Variants in CAMK4 observed in about 807,000 individuals in gnomAD.
CAMK4 encodes calcium/calmodulin dependent protein kinase IV.
Under a neutral mutation model 44.9 loss-of-function variants are expected in CAMK4, and 22 were observed. That is an observed-to-expected ratio of 0.49 (90% CI 0.35 to 0.70). The LOEUF is 0.70. Among genes scored for constraint, CAMK4 ranks in the 30% least tolerant of loss-of-function variants. The pLI, the probability that CAMK4 is intolerant of heterozygous loss-of-function variation, is 0.01. For missense variants in CAMK4, 498 were observed against 586.8 expected, an observed-to-expected ratio of 0.85 and a Z score of 1.56; for synonymous variants, 218 against 215.4, an observed-to-expected ratio of 1.01 and a Z score of -0.11.
intron 5 of CAMK4, among the ~76,000 whole-genome samples, chr5:111,396,532 T>C (rs1752014255): frequency 1.3e-5 from 2 of 151,810 alleles, no homozygotes; most frequent in African/African-American, 4.8e-5. Flanking sequence ...TTTCTTCAAA[T>C]GTGCATAAAC....
Position 111,339,362 on chromosome 5 carries a change from G to C in CAMK4, c.162-4662G>C, listed in dbSNP as rs370862041. 4.5e-4 allele frequency among the ~76,000 whole-genome samples: 68 copies of C among 151,280 alleles called. No homozygotes were observed. The South Asian group carries it at 0.013, about 28-fold the overall frequency. On this transcript the variant is annotated intron_variant, in intron 1 of 10. Transcript: ENST00000282356. ...TCACTTAGTAGTTTTACAGCTTCAG[G>C]TATTACATTTGTATTTAATTCATTT...
intron 1 of CAMK4, among the ~76,000 whole-genome samples, chr5:111,321,549 C>G (rs1267674775): frequency 6.6e-6 from 1 of 152,132 alleles, no homozygotes; most frequent in African/African-American, 2.4e-5. Context: ...GAGATATGAA[C>G]TCTCTTCCAT....
At chr5:111,413,615 ATTG>A (rs1580720013) in intron 5 of CAMK4, among the ~76,000 whole-genome samples, 1 of 152,082 alleles carries the variant, frequency 6.6e-6, no homozygotes, top group East Asian at 1.9e-4. Context: ...AAAGCTATGA[ATTG>A]TTGTAAAACT....
intron 1 of CAMK4, among the ~76,000 whole-genome samples, chr5:111,287,123 A>T (rs1349372190): frequency 6.6e-6 from 1 of 152,194 alleles, no homozygotes; most frequent in Non-Finnish European, 1.5e-5. Context: ...TTAACTTTTT[A>T]AATTTTTCCT....
chr5:111,337,586 GTTTTA>G (rs1749460679), intron 1 of CAMK4, among the ~76,000 whole-genome samples: 1 of 148,302 alleles, frequency 6.7e-6, no homozygotes, highest in South Asian at 2.1e-4. Flanking sequence ...TAAATTTAAT[GTTTTA>G]TTTGAGAAGA....
intron 1 of CAMK4, among the ~76,000 whole-genome samples, chr5:111,243,568 T>C (rs1266050403): frequency 6.6e-6 from 1 of 152,214 alleles, no homozygotes; most frequent in Non-Finnish European, 1.5e-5. Context: ...ATAGGTTCTA[T>C]CATGACTGAG....
At chr5:111,252,551 G>A (rs1749553357) in intron 1 of CAMK4, among the ~76,000 whole-genome samples, 1 of 152,118 alleles carries the variant, frequency 6.6e-6, no homozygotes, top group Non-Finnish European at 1.5e-5. Flanking sequence ...AATATCCTAT[G>A]AGTCTTATAG....
At chr5:111,468,946 C>G (rs1283568541) in intron 7 of CAMK4, among the ~76,000 whole-genome samples, 1 of 151,432 alleles carries the variant, frequency 6.6e-6, no homozygotes, top group East Asian at 1.9e-4. Context: ...CCGCTGTACT[C>G]CAGCCTGGGT....
chr5:111,370,232 G>A (rs1175104811), intron 2 of CAMK4, among the ~76,000 whole-genome samples: 3 of 152,108 alleles, frequency 2.0e-5, no homozygotes, highest in Non-Finnish European at 2.9e-5. Context: ...AGTCTGGCCT[G>A]TTCTGAGTAT....
intron 8 of CAMK4, among the ~76,000 whole-genome samples, chr5:111,476,521 C>T (rs1212912537): frequency 6.6e-6 from 1 of 152,068 alleles, no homozygotes; most frequent in East Asian, 1.9e-4. Flanking sequence ...TCCTGTTCCA[C>T]CTGCCTCAGC....
intron 5 of CAMK4, among the ~76,000 whole-genome samples, chr5:111,401,396 T>G (rs1752220991): frequency 6.6e-6 from 1 of 152,142 alleles, no homozygotes; most frequent in Non-Finnish European, 1.5e-5. Flanking sequence ...AATGGGTGAG[T>G]AACTATTAAA....
intron 1 of CAMK4, among the ~76,000 whole-genome samples, chr5:111,273,726 CAT>C (rs1561378067): frequency 8.3e-5 from 6 of 72,576 alleles, no homozygotes; most frequent in African/African-American, 2.8e-4. Context: ...TATACACACA[CAT>C]ACATACACAC....
chr5:111,332,845 A>G lies in CAMK4; in HGVS notation c.162-11179A>G, dbSNP rs1393631945. ...AAAATTACAACCAAATTGTGGAAAA[A>G]CTTAGAAGAAAGAATATTCATTAAA... On this transcript the variant is annotated intron_variant, in intron 1 of 10. Transcript: ENST00000282356. 2.6e-5 allele frequency among the ~76,000 whole-genome samples: 4 copies of G among 151,616 alleles called. No homozygotes were observed. In the East Asian group the frequency reaches 7.8e-4, roughly 30 times the overall value.
At chr5:111,479,420 G>T (rs1397084441) in intron 9 of CAMK4, among the ~76,000 whole-genome samples, 5 of 152,134 alleles carry the variant, frequency 3.3e-5, no homozygotes, top group African/African-American at 9.7e-5. Flanking sequence ...ATAAAATAAA[G>T]AGGATGCTAA....
intron 7 of CAMK4, among the ~76,000 whole-genome samples, chr5:111,451,954 A>G (rs976936481): frequency 5.3e-5 from 8 of 152,214 alleles, no homozygotes; most frequent in South Asian, 2.1e-4. Context: ...CCAAATAACT[A>G]TACTCAATAT....
chr5:111,454,350 A>T (rs959035577), intron 7 of CAMK4, among the ~76,000 whole-genome samples: 4 of 152,176 alleles, frequency 2.6e-5, no homozygotes, highest in African/African-American at 9.6e-5. Flanking sequence ...GAAGTAAAAA[A>T]GGAAAAGCCA....
chr5:111,331,263 AT>A (rs36123688), intron 1 of CAMK4, among the ~76,000 whole-genome samples: 5 of 151,336 alleles, frequency 3.3e-5, no homozygotes, highest in Non-Finnish European at 7.4e-5. Context: ...ACAAAGTTAT[AT>A]TTTTTAAATG....
In CAMK4 at chr5:111,301,460, C is replaced by T. The variant is rs549492342; in HGVS notation, c.162-42564C>T. 2.6e-5 allele frequency among the ~76,000 whole-genome samples: 4 copies of T among 152,184 alleles called. No individual in the cohort carries two copies. The East Asian group carries it at 7.7e-4, about 29-fold the overall frequency. On this transcript the variant is annotated intron_variant, in intron 1 of 10. Transcript: ENST00000282356. Reference sequence around the variant, plus strand: ...AATGGAGTGATTAAAGGAACTAAGTCCTGATCTTACTGGAAACTATGTCTA... The same window carrying T: ...AATGGAGTGATTAAAGGAACTAAGTTCTGATCTTACTGGAAACTATGTCTA...
chr5:111,309,673 T>TC (rs1259121659), intron 1 of CAMK4, among the ~76,000 whole-genome samples: 1 of 152,184 alleles, frequency 6.6e-6, no homozygotes, highest in Non-Finnish European at 1.5e-5. Context: ...CCTGGAGTTT[T>TC]CCAGGTCCGG....
Sources: allele counts gnomAD v4.1 joint callset (sites outside exome capture counted in the v4.1 genomes callset), GRCh38; gene constraint gnomAD v4.1.1; transcripts MANE v1.5; gene names NCBI Gene and HGNC (gene_info 2026-07-23, HGNC 2026-07-21).